TMEM117: variants seen among roughly 807,000 people sequenced by gnomAD.
TMEM117 encodes the protein transmembrane protein 117.
TMEM117 carries 27 observed loss-of-function variants against 52.4 expected under a neutral mutation model. The ratio of observed to expected loss-of-function variants is 0.51; its 90% CI spans 0.38 to 0.71. The LOEUF (loss-of-function observed/expected upper bound fraction) is 0.71. Ranked by LOEUF, TMEM117 falls within the 30% of genes least tolerant of loss-of-function variation. The pLI is 0.00. For missense variants in TMEM117, 556 were observed against 630.5 expected (o/e 0.88, Z 1.26); for synonymous variants, 215 against 206.3 (o/e 1.04, Z -0.36).
intron 2 of TMEM117, among the ~76,000 whole-genome samples, chr12:43,917,196 C>T (rs1342716842): frequency 1.5e-5 from 2 of 136,014 alleles, no homozygotes; most frequent in African/African-American, 5.4e-5. Context: ...AGTTTAAGAC[C>T]AGCCTGGGCA....
intron 4 of TMEM117, among the ~76,000 whole-genome samples, chr12:44,165,076 ACCG>A (rs1248325866): frequency 6.6e-6 from 1 of 151,914 alleles, no homozygotes; most frequent in Non-Finnish European, 1.5e-5. Flanking sequence ...CCCCCCTGCC[ACCG>A]CCTTCACCCC....
intron 3 of TMEM117, among the ~76,000 whole-genome samples, chr12:44,132,105 G>A (rs1565841662): frequency 6.6e-6 from 1 of 152,100 alleles, no homozygotes; most frequent in East Asian, 1.9e-4. Context: ...TAGGGAGACG[G>A]AGGCAGTGTA....
chr12:44,269,279 C>G (rs1950418087), intron 5 of TMEM117, among the ~76,000 whole-genome samples: 1 of 152,044 alleles, frequency 6.6e-6, no homozygotes, highest in South Asian at 2.1e-4. Context: ...AAAACACTAC[C>G]ACCCCAATCC....
At chr12:43,829,332 T>C in the TMEM117 span, among the ~76,000 whole-genome samples, 1 of 152,212 alleles carries the variant, frequency 6.6e-6, no homozygotes, top group African/African-American at 2.4e-5. Context: ...TTATAAGCCA[T>C]CTATTGTCTG....
intron 3 of TMEM117, among the ~76,000 whole-genome samples, chr12:43,994,158 A>G (rs1945991109): frequency 6.6e-6 from 1 of 152,188 alleles, no homozygotes; most frequent in South Asian, 2.1e-4. Flanking sequence ...GCCAAATTTC[A>G]TACTTGCAAC....
intron 6 of TMEM117, among the ~76,000 whole-genome samples, chr12:44,370,820 C>T (rs887054614): frequency 7.9e-5 from 12 of 152,048 alleles, no homozygotes; most frequent in African/African-American, 2.4e-4. Flanking sequence ...ATATCTTTAA[C>T]CTTCAGAGAG....
At chr12:44,023,419 G>A (rs2137840349) in intron 3 of TMEM117, among the ~76,000 whole-genome samples, 1 of 152,186 alleles carries the variant, frequency 6.6e-6, no homozygotes, top group African/African-American at 2.4e-5. Context: ...CACAATGGTT[G>A]AACTAGTTTA....
chr12:44,089,555 T>G (rs536448472), intron 3 of TMEM117, among the ~76,000 whole-genome samples: 1 of 152,128 alleles, frequency 6.6e-6, no homozygotes, highest in Non-Finnish European at 1.5e-5. Context: ...GCTTCTGTAT[T>G]GTCCCACCCC....
At chr12:43,954,877 T>A (rs561691370) in intron 3 of TMEM117, among the ~76,000 whole-genome samples, 1 of 152,290 alleles carries the variant, frequency 6.6e-6, no homozygotes, top group South Asian at 2.1e-4. Flanking sequence ...CATGCAAAAA[T>A]TCACAATAAA....
intron 3 of TMEM117, among the ~76,000 whole-genome samples, chr12:44,133,204 T>G (rs1948441491): frequency 6.6e-6 from 1 of 152,164 alleles, no homozygotes; most frequent in East Asian, 1.9e-4. Flanking sequence ...GGCACAGACA[T>G]GAGTACCTTG....
At chr12:43,964,608 G>A (rs561715000) in intron 3 of TMEM117, among the ~76,000 whole-genome samples, 9 of 152,082 alleles carry the variant, frequency 5.9e-5, no homozygotes, top group Admixed American at 2.0e-4. Context: ...CCAACTATAC[G>A]TCATAGTGAT....
intron 3 of TMEM117, among the ~76,000 whole-genome samples, chr12:44,140,821 C>T (rs1218020646): frequency 6.6e-6 from 1 of 152,008 alleles, no homozygotes; most frequent in East Asian, 1.9e-4. Flanking sequence ...CTAATAGAGT[C>T]CTCAATATAA....
In TMEM117 at chr12:44,298,049, T is replaced by C. The variant is rs528283308; in HGVS notation, c.609-1531T>C. Among the ~76,000 whole-genome samples the C allele has an allele frequency of 1.4e-3, 213 of 151,108 alleles. 18 individuals are homozygous for C. The highest frequency in any genetic ancestry group is 5.1e-3 in the African/African-American group (208 of 40,516). On this transcript the variant is annotated intron_variant, in intron 5 of 7. Coordinates refer to ENST00000266534, the MANE Select transcript of TMEM117 (RefSeq NM_032256.3). The stretch of plus-strand genomic sequence containing the variant: ...AGGTTTAATAGGAATGTTTATTTTC[T>C]AAAATTTTAAAAAATAATGTATCTT...
At chr12:44,134,615 T>C (rs1433854369) in intron 3 of TMEM117, among the ~76,000 whole-genome samples, 2 of 152,224 alleles carry the variant, frequency 1.3e-5, no homozygotes, top group African/African-American at 4.8e-5. Flanking sequence ...TTTATCTTCG[T>C]TCTAATTAGG....
At chr12:43,886,166 A>G (rs1356284874) in intron 2 of TMEM117, among the ~76,000 whole-genome samples, 1 of 152,166 alleles carries the variant, frequency 6.6e-6, no homozygotes, top group African/African-American at 2.4e-5. Flanking sequence ...ATGGTGGAAA[A>G]TCCTGGAGAC....
At chr12:43,942,390 G>A (rs1002380779) in intron 2 of TMEM117, among the ~76,000 whole-genome samples, 12 of 152,146 alleles carry the variant, frequency 7.9e-5, no homozygotes, top group African/African-American at 2.4e-4. Context: ...TCAGTATGTT[G>A]TGTGGAGGCT....
intron 3 of TMEM117, among the ~76,000 whole-genome samples, chr12:43,979,813 C>G (rs1251077637): frequency 6.6e-6 from 1 of 152,120 alleles, no homozygotes; most frequent in Non-Finnish European, 1.5e-5. Context: ...TAATTTCTCT[C>G]CCTTTAAAGG....
At chr12:43,875,737 A>G (rs1943784193) in intron 2 of TMEM117, among the ~76,000 whole-genome samples, 1 of 152,212 alleles carries the variant, frequency 6.6e-6, no homozygotes, top group Non-Finnish European at 1.5e-5. Context: ...GAAAGGAAGA[A>G]TGACAAATTA....
At chr12:43,869,157 C>T (rs1420657627) in intron 2 of TMEM117, among the ~76,000 whole-genome samples, 1 of 151,914 alleles carries the variant, frequency 6.6e-6, no homozygotes, top group Non-Finnish European at 1.5e-5. Context: ...AGAAATAATC[C>T]ACATAGCTAT....
Sources: gnomAD v4.1 joint callset for allele counts (sites outside exome capture counted in the v4.1 genomes callset) on GRCh38, gnomAD v4.1.1 for gene constraint, MANE v1.5 for transcripts, NCBI Gene and HGNC (gene_info 2026-07-23, HGNC 2026-07-21) for gene names.